NEGR1: variants seen among roughly 807,000 people sequenced by gnomAD.
NEGR1 encodes the protein IgLON family member 4.
NEGR1 carries 10 observed loss-of-function variants against 40.9 expected under a neutral mutation model. That is an observed-to-expected ratio of 0.24 (90% CI 0.15 to 0.42). The LOEUF is 0.42. Among genes scored for constraint, NEGR1 ranks in the 10% least tolerant of loss-of-function variants. The pLI is 1.00. For missense variants in NEGR1, 352 were observed against 438.9 expected, an observed-to-expected ratio of 0.80 and a Z score of 1.77; for synonymous variants, 185 against 166.8, an observed-to-expected ratio of 1.11 and a Z score of -0.84.
chr1:71,680,668 T>C (rs1652809570), intron 4 of NEGR1, among the ~76,000 whole-genome samples: 1 of 152,188 alleles, frequency 6.6e-6, no homozygotes, highest in South Asian at 2.1e-4. Flanking sequence ...TATAAGGCTG[T>C]TTTACTATAT....
chr1:72,105,087 T>C (rs1052796326), intron 1 of NEGR1, among the ~76,000 whole-genome samples: 1 of 152,160 alleles, frequency 6.6e-6, no homozygotes, highest in Non-Finnish European at 1.5e-5. Context: ...TCTCTATCTG[T>C]CTGATCTGTC....
intron 1 of NEGR1, among the ~76,000 whole-genome samples, chr1:72,134,298 C>A (rs1220741363): frequency 6.6e-6 from 1 of 151,300 alleles, no homozygotes; most frequent in East Asian, 1.9e-4. Flanking sequence ...CTCCACCTCC[C>A]GGGTTCACGC....
In NEGR1 at chr1:71,550,949, AC is replaced by A. The variant is rs1300867031; in HGVS notation, c.940+41867del. ...ATGCATCTCTTAAGAATAACTTAGA[AC>A]ATCTACATCATGGGCATTATGTTGT... On this transcript the variant is annotated intron_variant, in intron 6 of 6. Coordinates refer to ENST00000357731, the MANE Select transcript of NEGR1 (RefSeq NM_173808.3). 2.6e-5 allele frequency among the ~76,000 whole-genome samples: 4 copies of A among 151,594 alleles called. No individual in the cohort carries two copies. The East Asian group carries it at 7.8e-4, about 30-fold the overall frequency.
At chr1:71,777,089 T>A (rs1227352176) in intron 2 of NEGR1, among the ~76,000 whole-genome samples, 1 of 152,126 alleles carries the variant, frequency 6.6e-6, no homozygotes, top group Non-Finnish European at 1.5e-5. Flanking sequence ...TCGGGAAATG[T>A]TGGAGAGAAA....
At position 72,054,462 on chromosome 1, in the gene NEGR1, T is replaced by C. The variant is rs141954698; in HGVS notation, c.177-119151A>G. ...CCTATCTCAAGTCTATAAGCTACAG[T>C]GCATAGTTTCAAAAAACTAACATTT... is the stretch of plus-strand genomic sequence containing the variant. On this transcript the variant is annotated intron_variant, in intron 1 of 6. Coordinates refer to ENST00000357731, the MANE Select transcript of NEGR1 (RefSeq NM_173808.3). Among the ~76,000 whole-genome samples, 1,290 of 151,510 alleles carry C rather than the reference T, an allele frequency of 8.5e-3. 17 individuals carry two copies. Among genetic ancestry groups the C allele is most frequent in the African/African-American group, 0.03 (1,246 of 41,476 alleles).
chr1:71,928,084 G>GTACATA (rs1645798259), intron 2 of NEGR1, among the ~76,000 whole-genome samples: 1 of 103,364 alleles, frequency 9.7e-6, no homozygotes, highest in Non-Finnish European at 2.0e-5. Context: ...GTACATATAT[G>GTACATA]TATATATACA....
intron 1 of NEGR1, among the ~76,000 whole-genome samples, chr1:72,213,363 T>C (rs935790265): frequency 4.7e-4 from 72 of 151,984 alleles, no homozygotes; most frequent in African/African-American, 1.6e-3. Context: ...TTTGTTTTAC[T>C]TTTTGTTCTT....
intron 2 of NEGR1, among the ~76,000 whole-genome samples, chr1:71,822,041 T>C (rs1474421508): frequency 6.6e-6 from 1 of 151,792 alleles, no homozygotes; most frequent in Non-Finnish European, 1.5e-5. Context: ...TATGTGAGTG[T>C]GAGCCAAAAA....
At chr1:72,262,593 A>G (rs1436044571) in intron 1 of NEGR1, among the ~76,000 whole-genome samples, 1 of 151,986 alleles carries the variant, frequency 6.6e-6, no homozygotes, top group African/African-American at 2.4e-5. Flanking sequence ...ATGCTCAAGC[A>G]CTATTAGTTG....
intron 1 of NEGR1, among the ~76,000 whole-genome samples, chr1:71,987,303 G>A (rs1646403442): frequency 6.6e-6 from 1 of 152,146 alleles, no homozygotes. Flanking sequence ...TTTCAATCAA[G>A]GCCTGGTGCC....
chr1:72,264,626 T>C (rs899971538), intron 1 of NEGR1, among the ~76,000 whole-genome samples: 9 of 150,666 alleles, frequency 6.0e-5, no homozygotes, highest in Admixed American at 4.0e-4. Flanking sequence ...CAAATTAAAA[T>C]AACATATATA....
chr1:71,861,046 C>G lies in NEGR1; in HGVS notation c.409+74033G>C, dbSNP rs144548103. ...TCTTTTAACTACTGCTTATTTTCAT[C>G]TCACCATAGGGAAAAAGTTATTACC... On this transcript the variant is annotated intron_variant, in intron 2 of 6. Coordinates refer to ENST00000357731, the MANE Select transcript of NEGR1 (RefSeq NM_173808.3). Among the ~76,000 whole-genome samples the G allele has an allele frequency of 9.9e-5, 15 of 152,126 alleles. No homozygotes were observed. In the East Asian group the frequency reaches 2.9e-3, roughly 29 times the overall value.
In NEGR1 at chr1:71,520,899, T is replaced by G. The variant is rs142401471; in HGVS notation, c.940+71918A>C. On this transcript the variant is annotated intron_variant, in intron 6 of 6. Transcript: ENST00000357731. ...CTTGCCACCAAATGCCTTCTGTCACTCCACCCCAATCCAGCAGGAACTGAA... is the reference window on the plus strand; with the variant it reads ...CTTGCCACCAAATGCCTTCTGTCACGCCACCCCAATCCAGCAGGAACTGAA... 1.5e-3 allele frequency among the ~76,000 whole-genome samples: 224 copies of G among 152,130 alleles called. 1 individual carries two copies. Among genetic ancestry groups the G allele is most frequent in the African/African-American group, 5.0e-3 (209 of 41,516 alleles).
At chr1:71,999,646 TA>T (rs1646537581) in intron 1 of NEGR1, among the ~76,000 whole-genome samples, 1 of 38,370 alleles carries the variant, frequency 2.6e-5, no homozygotes, top group Non-Finnish European at 6.0e-5. Context: ...TATATATATA[TA>T]TATATATATA....
chr1:71,409,922 G>C (rs1472175520), intron 6 of NEGR1, among the ~76,000 whole-genome samples: 1 of 151,858 alleles, frequency 6.6e-6, no homozygotes, highest in Non-Finnish European at 1.5e-5. Flanking sequence ...AGTTTTAATT[G>C]AACTAGGTAC....
intron 2 of NEGR1, among the ~76,000 whole-genome samples, chr1:71,930,982 G>A (rs1645849915): frequency 6.6e-6 from 1 of 152,138 alleles, no homozygotes; most frequent in Admixed American, 6.5e-5. Flanking sequence ...CTTGACTTCA[G>A]CAAGGAGGCT....
intron 1 of NEGR1, among the ~76,000 whole-genome samples, chr1:72,019,044 T>C (rs1034484178): frequency 6.6e-5 from 10 of 152,116 alleles, no homozygotes; most frequent in African/African-American, 1.9e-4. Context: ...TGATTCGATA[T>C]GTATTTTGGT....
At chr1:71,597,472 C>CTCTCTCTCTCTCTCTCTCTGTG (rs756076229) in intron 5 of NEGR1, among the ~76,000 whole-genome samples, 12 of 31,332 alleles carry the variant, frequency 3.8e-4, no homozygotes, top group African/African-American at 1.1e-3. Context: ...CTCTCTCTCT[C>CTCTCTCTCTCTCTCTCTCTGTG]TGTGTGTGTG....
chr1:71,402,059 G>T lies in NEGR1; in HGVS notation c.*5387C>A, dbSNP rs1297808034. 6.6e-6 allele frequency: 1 copy of T among 151,900 alleles called. No homozygotes were observed. The highest frequency in any genetic ancestry group is 1.5e-5 in the Non-Finnish European group (1 of 67,976). The allele number at this position is 151,900 out of a possible 1,614,324, so 9.4% of individuals were successfully genotyped here. A position where few individuals can be genotyped will look rare whatever the true frequency, so the allele number is the denominator to read the frequency against. On this transcript the variant is annotated 3_prime_UTR_variant, in exon 7 of 7. Transcript: ENST00000357731. ...AAATATGCAAATAGTTGTCTATGAA[G>T]CTAGCAATGTGATTATATGCTTTTC... is the stretch of plus-strand genomic sequence containing the variant.
Sources: gnomAD v4.1 joint callset for allele counts (sites outside exome capture counted in the v4.1 genomes callset) on GRCh38, gnomAD v4.1.1 for gene constraint, MANE v1.5 for transcripts, NCBI Gene and HGNC (gene_info 2026-07-23, HGNC 2026-07-21) for gene names.